The following TEX11 variants were observed in gnomAD, a reference collection of about 807,000 sequenced individuals.
The protein encoded by TEX11 is testis expressed 11, also known as testis-expressed protein 11.
In TEX11, 7 loss-of-function variants were observed where a neutral mutation model predicts 84.4. The observed-to-expected ratio is 0.08, with a 90% CI of 0.05 to 0.16. The LOEUF is 0.16. TEX11 is among the 10% of genes least tolerant of loss of function. The probability of loss-of-function intolerance (pLI) is 1.00; values close to 1 mark genes in which losing one functional copy is unlikely to be tolerated. For missense variants in TEX11, 551 were observed against 660.5 expected, an observed-to-expected ratio of 0.83 and a Z score of 1.82; for synonymous variants, 264 against 222.8, an observed-to-expected ratio of 1.18 and a Z score of -1.64.
chrX:70,640,229 A>C (rs1365013886), intron 17 of TEX11, among the ~76,000 whole-genome samples: 5 of 108,612 alleles, frequency 4.6e-5, no homozygotes, highest in African/African-American at 6.7e-5. Flanking sequence ...AAAAAGAATA[A>C]AAAGAAATGA....
intron 16 of TEX11, among the ~76,000 whole-genome samples, chrX:70,664,524 C>A (rs182949662): frequency 9.0e-6 from 1 of 111,597 alleles, no homozygotes. Context: ...TATTCCTATT[C>A]TAAGTTCATA....
intron 4 of TEX11, among the ~76,000 whole-genome samples, chrX:70,871,576 T>A (rs755162258): frequency 8.9e-6 from 1 of 112,203 alleles, no homozygotes; most frequent in Non-Finnish European, 1.9e-5. Flanking sequence ...AATAAACATA[T>A]TTTTGAAACA....
At chrX:70,553,224 T>G in intron 27 of TEX11, 82 bp downstream of exon 27, 2 of 580,931 alleles carry the variant, frequency 3.4e-6, no homozygotes, top group Non-Finnish European at 5.3e-6. Flanking sequence ...TAAAGTTGAG[T>G]CAATTAAGAA....
chrX:70,855,565 CAAA>C (rs36075950), intron 5 of TEX11, among the ~76,000 whole-genome samples: 1 of 85,419 alleles, frequency 1.2e-5, no homozygotes. Flanking sequence ...GACTCTGTCT[CAAA>C]AAAAAAAAAA....
At chrX:70,891,082 C>A (rs2091735519) in intron 2 of TEX11, among the ~76,000 whole-genome samples, 1 of 112,282 alleles carries the variant, frequency 8.9e-6, no homozygotes, top group Non-Finnish European at 1.9e-5. Flanking sequence ...GATACCCAGG[C>A]AAACAGGGTC....
At chrX:70,796,791 G>C (rs1186797393) in intron 9 of TEX11, among the ~76,000 whole-genome samples, 2 of 111,567 alleles carry the variant, frequency 1.8e-5, no homozygotes, top group African/African-American at 6.5e-5. Context: ...TTAAAAAGTG[G>C]GGGTTAAAAA....
At chrX:70,739,554 G>A (rs2090720327) in intron 11 of TEX11, among the ~76,000 whole-genome samples, 2 of 109,130 alleles carry the variant, frequency 1.8e-5, no homozygotes, top group Non-Finnish European at 3.8e-5. Flanking sequence ...TGGGACTGCA[G>A]GCACATGCCA....
chrX:70,517,297 T>A, the TEX11 span, among the ~76,000 whole-genome samples: 7 of 112,194 alleles, frequency 6.2e-5, no homozygotes, highest in African/African-American at 2.3e-4. Context: ...ATACGTTCCA[T>A]CAATACCTAG....
At chrX:70,523,947 A>C (rs1167932517), downstream of TEX11, among the ~76,000 whole-genome samples, 1 of 110,885 alleles carries the variant, frequency 9.0e-6, no homozygotes, top group Non-Finnish European at 1.9e-5. Context: ...AGAATAGCTT[A>C]AGACAGAGTA....
intron 17 of TEX11, among the ~76,000 whole-genome samples, chrX:70,643,784 AG>A (rs1343818609): frequency 9.3e-6 from 1 of 107,545 alleles, no homozygotes; most frequent in Non-Finnish European, 1.9e-5. Context: ...GATGGATTAA[AG>A]ACTTAAACAT....
At chrX:70,663,094 C>T (rs1376023829) in intron 16 of TEX11, among the ~76,000 whole-genome samples, 2 of 111,615 alleles carry the variant, frequency 1.8e-5, no homozygotes, top group Non-Finnish European at 3.8e-5. Flanking sequence ...CCTAGTCCCC[C>T]ACAAAATCCT....
At chrX:70,588,832 G>A (rs1156596070) in intron 25 of TEX11, among the ~76,000 whole-genome samples, 2 of 109,668 alleles carry the variant, frequency 1.8e-5, no homozygotes, top group Admixed American at 2.0e-4. Context: ...ACTTAAGGAG[G>A]TCAAGGTGGG....
At chrX:70,710,963 A>G in intron 13 of TEX11, among the ~76,000 whole-genome samples, 1 of 98,068 alleles carries the variant, frequency 1.0e-5, no homozygotes, top group African/African-American at 3.8e-5. Context: ...AACAGGCCCC[A>G]GTGTGTGATG....
intron 7 of TEX11, among the ~76,000 whole-genome samples, chrX:70,841,309 A>C (rs2091442484): frequency 9.0e-6 from 1 of 111,332 alleles, no homozygotes; most frequent in Admixed American, 9.7e-5. Flanking sequence ...TCAAACTAGA[A>C]CTCAGGATTA....
intron 17 of TEX11, among the ~76,000 whole-genome samples, chrX:70,644,593 TA>T (rs1221790642): frequency 2.9e-5 from 3 of 102,165 alleles, no homozygotes; most frequent in Non-Finnish European, 6.0e-5. Context: ...TATGCAGCCA[TA>T]AAAAATGATG....
chrX:70,668,964 A>T (rs74561853), intron 16 of TEX11, among the ~76,000 whole-genome samples: 8,823 of 111,617 alleles, frequency 0.079, 433 homozygotes, highest in Admixed American at 0.24. Context: ...AATATCTGTG[A>T]TTGAAACCCT....
intron 9 of TEX11, among the ~76,000 whole-genome samples, chrX:70,788,973 T>TATATATATATAG (rs1211700739): frequency 3.1e-4 from 3 of 9,558 alleles, no homozygotes; most frequent in Non-Finnish European, 5.4e-4. Flanking sequence ...TATATATATA[T>TATATATATATAG]AGAGAGAGAG....
At chrX:70,567,857 G>C (rs1485412475) in intron 25 of TEX11, among the ~76,000 whole-genome samples, 3 of 111,456 alleles carry the variant, frequency 2.7e-5, no homozygotes, top group Non-Finnish European at 5.6e-5. Flanking sequence ...GGTGTGGTGT[G>C]GTGCAGAAAA....
At chrX:70,731,159 T>C (rs1275077875) in intron 11 of TEX11, among the ~76,000 whole-genome samples, 1 of 111,869 alleles carries the variant, frequency 8.9e-6, no homozygotes, top group Non-Finnish European at 1.9e-5. Flanking sequence ...AAGCAGTGTG[T>C]AGAGGGAAAT....
Sources: allele counts gnomAD v4.1 joint callset (sites outside exome capture counted in the v4.1 genomes callset), GRCh38; gene constraint gnomAD v4.1.1; transcripts MANE v1.5; gene names NCBI Gene and HGNC (gene_info 2026-07-23, HGNC 2026-07-21).